AFF3: variants seen among roughly 807,000 people sequenced by gnomAD.
AFF3 encodes ALF transcription elongation factor 3.
AFF3 carries 32 observed loss-of-function variants against 129.7 expected under a neutral mutation model. That is an observed-to-expected ratio of 0.25 (90% CI 0.19 to 0.33). The LOEUF (loss-of-function observed/expected upper bound fraction) is 0.33, where lower values mean the gene tolerates loss of function less well. AFF3 is among the 10% of genes least tolerant of loss of function. The pLI, the probability that AFF3 is intolerant of heterozygous loss-of-function variation, is 1.00. For synonymous variants in AFF3, 644 were observed against 635.4 expected (o/e 1.01, Z -0.20); for missense variants, 1,373 against 1,592.0 (o/e 0.86, Z 2.34).
At position 100,001,098 on chromosome 2, in the gene AFF3, A is replaced by G. The variant is rs563265341; in HGVS notation, c.873+5534T>C. Reference sequence around the variant, plus strand: ...CAGCTGAAGGGAAAGCAGCCCTGTAATCTGTTCAGACGCATTCCGGGGGAG... The same window carrying G: ...CAGCTGAAGGGAAAGCAGCCCTGTAGTCTGTTCAGACGCATTCCGGGGGAG... On this transcript the variant is annotated intron_variant, in intron 7 of 24. Coordinates refer to ENST00000672756, the MANE Select transcript of AFF3 (RefSeq NM_001386135.1). 3.9e-5 allele frequency among the ~76,000 whole-genome samples: 6 copies of G among 152,318 alleles called. No homozygotes were observed. The East Asian group carries it at 1.2e-3, about 29-fold the overall frequency.
intron 7 of AFF3, among the ~76,000 whole-genome samples, chr2:99,986,374 T>C (rs973100811): frequency 3.3e-5 from 5 of 152,014 alleles, no homozygotes; most frequent in Non-Finnish European, 7.4e-5. Flanking sequence ...TATGACACTG[T>C]AATAGCAGTG....
intron 8 of AFF3, among the ~76,000 whole-genome samples, chr2:99,758,124 CCTTT>C (rs1682272355): frequency 6.6e-6 from 1 of 152,170 alleles, no homozygotes; most frequent in South Asian, 2.1e-4. Context: ...ACCTTTCTCT[CCTTT>C]CTGTTACCTG....
Position 99,999,474 on chromosome 2 carries a change from C to T in AFF3, c.873+7158G>A, listed in dbSNP as rs555322835. Among the ~76,000 whole-genome samples the T allele has an allele frequency of 2.3e-4, 35 of 152,224 alleles. 1 individual carries two copies. The South Asian group carries it at 3.3e-3, about 14-fold the overall frequency. ...ATTAGAGATGCTTCAGTAAGCAGTA[C>T]CATGAAAATGGGACAAAATAAACAA... is the stretch of plus-strand genomic sequence containing the variant. On this transcript the variant is annotated intron_variant, in intron 7 of 24. Coordinates refer to ENST00000672756, the MANE Select transcript of AFF3 (RefSeq NM_001386135.1).
rs79081595 is a variant in AFF3 at position 100,121,142 on chromosome 2, G to C, written c.-145+8082C>G. Among the ~76,000 whole-genome samples, 7 of 152,296 alleles carry C rather than the reference G, an allele frequency of 4.6e-5. No homozygotes were observed. In the East Asian group the frequency reaches 1.2e-3, roughly 25 times the overall value. On this transcript the variant is annotated intron_variant, in intron 2 of 24. Transcript: ENST00000672756. ...TCAAGCTGAAAAGCCTGATACCACAGCCCAAAGTGAGAACTGACAGCCCTG... is the reference window on the plus strand; with the variant it reads ...TCAAGCTGAAAAGCCTGATACCACACCCCAAAGTGAGAACTGACAGCCCTG...
At chr2:99,560,042 C>A (rs1193459830) in intron 21 of AFF3, among the ~76,000 whole-genome samples, 1 of 152,194 alleles carries the variant, frequency 6.6e-6, no homozygotes, top group Non-Finnish European at 1.5e-5. Flanking sequence ...AGGCAGATCA[C>A]TTGAGGTCAG....
At chr2:99,826,388 C>T (rs1447160265) in intron 8 of AFF3, among the ~76,000 whole-genome samples, 1 of 152,046 alleles carries the variant, frequency 6.6e-6, no homozygotes, top group African/African-American at 2.4e-5. Context: ...TAACAACAGC[C>T]CAGGAGAAAA....
intron 11 of AFF3, among the ~76,000 whole-genome samples, chr2:99,678,774 C>T (rs1354589485): frequency 6.6e-6 from 1 of 152,174 alleles, no homozygotes; most frequent in African/African-American, 2.4e-5. Context: ...GCCTGAGAGC[C>T]TATTCATTAT....
intron 18 of AFF3, among the ~76,000 whole-genome samples, chr2:99,576,040 T>G (rs1676956128): frequency 1.1e-5 from 1 of 92,356 alleles, no homozygotes; most frequent in African/African-American, 4.3e-5. Context: ...TGAGACATGA[T>G]TTTTTTTTTT....
intron 7 of AFF3, among the ~76,000 whole-genome samples, chr2:99,946,430 C>T (rs991155003): frequency 1.5e-5 from 2 of 135,240 alleles, no homozygotes; most frequent in Non-Finnish European, 3.1e-5. Context: ...GCCGCAATCA[C>T]ACCACTGCAC....
chr2:99,713,909 G>T (rs867786244), intron 11 of AFF3, among the ~76,000 whole-genome samples: 15 of 151,724 alleles, frequency 9.9e-5, no homozygotes, highest in Admixed American at 2.6e-4. Flanking sequence ...CCATGTTGGC[G>T]AGGCTGGTCT....
At chr2:99,656,368 G>A (rs1443020738) in intron 12 of AFF3, among the ~76,000 whole-genome samples, 1 of 152,132 alleles carries the variant, frequency 6.6e-6, no homozygotes, top group Admixed American at 6.5e-5. Context: ...CAATAAAGGA[G>A]GTATCTCTGC....
intron 24 of AFF3, among the ~76,000 whole-genome samples, 168 bp downstream of exon 24, chr2:99,554,143 G>C (rs892829620): frequency 6.6e-6 from 1 of 152,058 alleles, no homozygotes. Flanking sequence ...CCACCATAAA[G>C]GGTGTTTTTG....
chr2:99,658,038 C>T (rs1393057682), intron 12 of AFF3, among the ~76,000 whole-genome samples: 1 of 152,224 alleles, frequency 6.6e-6, no homozygotes, highest in Admixed American at 6.5e-5. Flanking sequence ...CCTGGTTCTC[C>T]TTGCTCCAAA....
intron 7 of AFF3, among the ~76,000 whole-genome samples, chr2:99,944,019 T>C (rs1675323151): frequency 6.6e-6 from 1 of 151,844 alleles, no homozygotes; most frequent in Admixed American, 6.6e-5. Flanking sequence ...CCTACCTCAG[T>C]CTCCCAAGTA....
chr2:99,615,717 C>A (rs200448787), intron 13 of AFF3, among the ~76,000 whole-genome samples: 106 of 152,304 alleles, frequency 7.0e-4, no homozygotes, highest in African/African-American at 2.5e-3. Context: ...GGCTGGCTGG[C>A]GGGTGGGATG....
In AFF3 at chr2:100,055,798, T is replaced by C. The variant is rs141105190; in HGVS notation, c.54-46866A>G. ...GCACAACTGTGTTCCAATACAACTT[T>C]ATTTATAAAAACAAGCAACAGGCCA... On this transcript the variant is annotated intron_variant, in intron 4 of 24. Coordinates refer to ENST00000672756, the MANE Select transcript of AFF3 (RefSeq NM_001386135.1). Among the ~76,000 whole-genome samples, 99 of 152,264 alleles carry C rather than the reference T, an allele frequency of 6.5e-4. 4 individuals carry two copies. In the East Asian group the frequency reaches 0.018, roughly 27 times the overall value.
chr2:100,138,815 G>A (rs1692737259), intron 1 of AFF3, among the ~76,000 whole-genome samples: 1 of 151,808 alleles, frequency 6.6e-6, no homozygotes. Context: ...CGTGACGGTG[G>A]GCGCCTGTAA....
chr2:99,735,426 A>G lies in AFF3; in HGVS notation c.1040-8298T>C, dbSNP rs74958628. Among the ~76,000 whole-genome samples, 93 of 143,462 alleles carry G rather than the reference A, an allele frequency of 6.5e-4. 1 individual carries two copies. The highest frequency in any genetic ancestry group is 1.0e-3 in the Admixed American group (15 of 14,532). 94.1% of individuals were successfully genotyped at this position (143,462 alleles called of 152,430 possible). A position where few individuals can be genotyped will look rare whatever the true frequency, so the allele number is the denominator to read the frequency against. On this transcript the variant is annotated intron_variant, in intron 10 of 24. Coordinates refer to ENST00000672756, the MANE Select transcript of AFF3 (RefSeq NM_001386135.1). ...TCTCTTTTCCATTTGTTTTGGGTTT[A>G]TTTTCTCTTCTTTCAGCTCTTAAGA...
At chr2:99,571,481 T>C (rs1031431749) in intron 18 of AFF3, among the ~76,000 whole-genome samples, 5 of 152,146 alleles carry the variant, frequency 3.3e-5, no homozygotes, top group African/African-American at 1.2e-4. Context: ...ATCTGCAGCA[T>C]AGGGGCATAT....
Sources: gnomAD v4.1 joint callset for allele counts (sites outside exome capture counted in the v4.1 genomes callset) on GRCh38, gnomAD v4.1.1 for gene constraint, MANE v1.5 for transcripts, NCBI Gene and HGNC (gene_info 2026-07-23, HGNC 2026-07-21) for gene names.